The following NBEA variants were observed in gnomAD, a reference collection of about 807,000 sequenced individuals.
The protein encoded by NBEA is lysosomal-trafficking regulator 2.
Under a neutral mutation model 343.4 loss-of-function variants are expected in NBEA, and 44 were observed. That is an observed-to-expected ratio of 0.13 (90% CI 0.10 to 0.16). The LOEUF (loss-of-function observed/expected upper bound fraction) is 0.16. NBEA is among the 10% of genes least tolerant of loss of function. NBEA has a pLI of 1.00. For synonymous variants in NBEA, 1,175 were observed against 1,238.7 expected, an observed-to-expected ratio of 0.95 and a Z score of 1.08; for missense variants, 2,555 against 3,631.3, an observed-to-expected ratio of 0.70 and a Z score of 7.62.
At chr13:35,510,465 C>G (rs768481414) in intron 41 of NBEA, among the ~76,000 whole-genome samples, 27 of 152,110 alleles carry the variant, frequency 1.8e-4, no homozygotes, top group Non-Finnish European at 3.4e-4. Flanking sequence ...AGTAATCTGC[C>G]TTGTGTTGTA....
chr13:34,958,032 A>G (rs2059553737), intron 1 of NBEA, among the ~76,000 whole-genome samples: 1 of 152,098 alleles, frequency 6.6e-6, no homozygotes, highest in South Asian at 2.1e-4. Context: ...TCAAAGACTT[A>G]GTTAAAAAAT....
rs865982957 is a variant in NBEA, at chr13:35,388,407, T to G, written c.6179+36084T>G. 5.3e-5 allele frequency among the ~76,000 whole-genome samples: 8 copies of G among 152,276 alleles called. No individual in the cohort carries two copies. In the Middle Eastern group the frequency reaches 0.01, roughly 194 times the overall value. On this transcript the variant is annotated intron_variant, in intron 38 of 58. Coordinates refer to ENST00000379939, the MANE Select transcript of NBEA (RefSeq NM_001385012.1). ...CATTAAGAGGCAAATAAGATGCCTTTAATGTGGAAACCATACATTCCCCCC... is the reference window on the plus strand; with the variant it reads ...CATTAAGAGGCAAATAAGATGCCTTGAATGTGGAAACCATACATTCCCCCC...
At chr13:35,660,182 A>T (rs2085016594) in intron 55 of NBEA, among the ~76,000 whole-genome samples, 1 of 152,206 alleles carries the variant, frequency 6.6e-6, no homozygotes, top group Non-Finnish European at 1.5e-5. Context: ...TTCCAACAAG[A>T]TAGTCACAAT....
At chr13:35,215,170 GC>G (rs886161907) in intron 33 of NBEA, among the ~76,000 whole-genome samples, 9 of 151,402 alleles carry the variant, frequency 5.9e-5, no homozygotes, top group Non-Finnish European at 1.0e-4. Flanking sequence ...CAATTCTAAA[GC>G]AACAAAAAAA....
intron 14 of NBEA, among the ~76,000 whole-genome samples, chr13:35,117,765 C>T (rs996434206): frequency 3.3e-5 from 5 of 151,780 alleles, no homozygotes; most frequent in East Asian, 3.9e-4. Flanking sequence ...GACCATTATT[C>T]GAGAAAATGA....
chr13:35,240,461 A>G (rs1375201906), intron 34 of NBEA, among the ~76,000 whole-genome samples: 1 of 151,912 alleles, frequency 6.6e-6, no homozygotes, highest in Admixed American at 6.6e-5. Flanking sequence ...TCAAGACGGT[A>G]TGTATGAATG....
intron 38 of NBEA, among the ~76,000 whole-genome samples, chr13:35,392,397 T>C (rs2042545471): frequency 6.6e-6 from 1 of 151,964 alleles, no homozygotes; most frequent in Admixed American, 6.6e-5. Context: ...CCCTGAAGTA[T>C]GTAAATTTTG....
intron 45 of NBEA, among the ~76,000 whole-genome samples, chr13:35,575,545 C>T (rs1229736558): frequency 6.6e-6 from 1 of 152,064 alleles, no homozygotes; most frequent in Non-Finnish European, 1.5e-5. Flanking sequence ...TTAACCAATA[C>T]CTACATGTTA....
intron 41 of NBEA, among the ~76,000 whole-genome samples, chr13:35,473,165 A>G (rs2075727864): frequency 1.3e-5 from 2 of 152,214 alleles, no homozygotes; most frequent in Non-Finnish European, 1.5e-5. Context: ...ATGCATATTT[A>G]TTAAATGTTA....
intron 40 of NBEA, among the ~76,000 whole-genome samples, chr13:35,470,585 T>C (rs967746704): frequency 6.6e-6 from 1 of 152,240 alleles, no homozygotes; most frequent in East Asian, 1.9e-4. Flanking sequence ...TTGTTTCCAG[T>C]GTGAACCAAA....
intron 1 of NBEA, among the ~76,000 whole-genome samples, chr13:34,993,311 C>A (rs1707843562): frequency 6.6e-6 from 1 of 152,140 alleles, no homozygotes; most frequent in African/African-American, 2.4e-5. Flanking sequence ...TCCTCGTTTT[C>A]TCTTTTGTAG....
intron 49 of NBEA, among the ~76,000 whole-genome samples, chr13:35,635,040 G>A (rs1047315472): frequency 6.6e-6 from 1 of 152,088 alleles, no homozygotes. Context: ...GCTTTTCTGA[G>A]AAGATGAATT....
chr13:35,011,281 T>C (rs1180406537), intron 1 of NBEA, among the ~76,000 whole-genome samples: 1 of 152,006 alleles, frequency 6.6e-6, no homozygotes, highest in East Asian at 1.9e-4. Context: ...AGCAGCAAAA[T>C]AGTAAATGGA....
At chr13:35,377,596 TC>T (rs1345116381) in intron 38 of NBEA, among the ~76,000 whole-genome samples, 1 of 152,200 alleles carries the variant, frequency 6.6e-6, no homozygotes, top group Non-Finnish European at 1.5e-5. Flanking sequence ...GTTTACCTGT[TC>T]CATTGAATAA....
At chr13:35,614,391 T>C (rs1407253463) in intron 48 of NBEA, among the ~76,000 whole-genome samples, 1 of 152,190 alleles carries the variant, frequency 6.6e-6, no homozygotes, top group Non-Finnish European at 1.5e-5. Context: ...TTTTCTACTT[T>C]CTTCTTCAGG....
At chr13:35,255,151 C>T (rs188497663) in intron 34 of NBEA, among the ~76,000 whole-genome samples, 186 of 152,320 alleles carry the variant, frequency 1.2e-3, no homozygotes, top group Non-Finnish European at 1.9e-3. Flanking sequence ...CATTACCAAA[C>T]TCTAAAACAT....
chr13:35,613,650 T>C (rs1044236367), intron 48 of NBEA, among the ~76,000 whole-genome samples: 2 of 152,126 alleles, frequency 1.3e-5, no homozygotes, highest in East Asian at 1.9e-4. Flanking sequence ...TGAGACAGTG[T>C]CTCACTCTTG....
chr13:35,400,121 C>T lies in NBEA; in HGVS notation c.6180-32148C>T, dbSNP rs537849215. Among the ~76,000 whole-genome samples, 5 of 142,072 alleles carry T rather than the reference C, an allele frequency of 3.5e-5. No individual in the cohort carries two copies. The South Asian group carries it at 8.9e-4, about 25-fold the overall frequency. 93.2% of individuals were successfully genotyped at this position (142,072 alleles called of 152,430 possible). A position where few individuals can be genotyped will look rare whatever the true frequency, so the allele number is the denominator to read the frequency against. ...GAATTACTAAAATGTGACAGAGACACAGTGAGCATATGCTGTTGGGACTAT... is the reference window on the plus strand; with the variant it reads ...GAATTACTAAAATGTGACAGAGACATAGTGAGCATATGCTGTTGGGACTAT... On this transcript the variant is annotated intron_variant, in intron 38 of 58. Transcript: ENST00000379939.
intron 48 of NBEA, among the ~76,000 whole-genome samples, chr13:35,627,799 A>G (rs1001304471): frequency 1.3e-4 from 20 of 152,216 alleles, no homozygotes; most frequent in Middle Eastern, 6.8e-3. Context: ...TTTATGTTAA[A>G]TCATATTATG....
Sources: allele counts gnomAD v4.1 joint callset (sites outside exome capture counted in the v4.1 genomes callset), GRCh38; gene constraint gnomAD v4.1.1; transcripts MANE v1.5; gene names NCBI Gene and HGNC (gene_info 2026-07-23, HGNC 2026-07-21).